Variants in CHD9 observed in about 807,000 individuals in gnomAD.
CHD9 encodes ATP-dependent chromatin remodeler CHD9.
CHD9 carries 77 observed loss-of-function variants against 316.1 expected under a neutral mutation model. That is an observed-to-expected ratio of 0.24 (90% CI 0.20 to 0.29). The LOEUF (loss-of-function observed/expected upper bound fraction) is 0.29, where lower values mean the gene tolerates loss of function less well. CHD9 is among the 10% of genes least tolerant of loss of function. CHD9 has a pLI of 1.00. For missense variants in CHD9, 2,763 were observed against 3,438.1 expected, an observed-to-expected ratio of 0.80 and a Z score of 4.91; for synonymous variants, 1,129 against 1,158.3, an observed-to-expected ratio of 0.97 and a Z score of 0.51.
intron 34 of CHD9, among the ~76,000 whole-genome samples, chr16:53,309,765 C>A (rs1489363589): frequency 6.6e-6 from 1 of 152,048 alleles, no homozygotes. Flanking sequence ...CCACGCCCAG[C>A]CTGTTTTTGT....
chr16:53,210,293 A>G (rs1489329557), intron 3 of CHD9, among the ~76,000 whole-genome samples: 6 of 149,046 alleles, frequency 4.0e-5, no homozygotes. Flanking sequence ...GAAATGGCAA[A>G]AAAAAAAAAA....
At chr16:53,170,550 A>G (rs2042628332) in intron 2 of CHD9, among the ~76,000 whole-genome samples, 1 of 150,832 alleles carries the variant, frequency 6.6e-6, no homozygotes, top group African/African-American at 2.4e-5. Flanking sequence ...TGTAAAATGC[A>G]TCGTGCAGTA....
At chr16:53,126,699 G>A (rs1181267372) in intron 1 of CHD9, among the ~76,000 whole-genome samples, 1 of 143,638 alleles carries the variant, frequency 7.0e-6, no homozygotes, top group Non-Finnish European at 1.5e-5. Flanking sequence ...TTCTTTCTCT[G>A]ATGGAGTCTC....
At chr16:53,248,741 C>T (rs2049888751) in intron 16 of CHD9, among the ~76,000 whole-genome samples, 1 of 151,906 alleles carries the variant, frequency 6.6e-6, no homozygotes, top group East Asian at 1.9e-4. Flanking sequence ...AAGCCGATCT[C>T]AAACTCCTGG....
At chr16:53,103,561 C>T (rs1432018438) in intron 1 of CHD9, among the ~76,000 whole-genome samples, 2 of 152,134 alleles carry the variant, frequency 1.3e-5, no homozygotes, top group Non-Finnish European at 2.9e-5. Flanking sequence ...AAATAGGGAG[C>T]GTTAACCTCA....
intron 1 of CHD9, among the ~76,000 whole-genome samples, chr16:53,131,508 G>A (rs1478660212): frequency 6.7e-6 from 1 of 150,100 alleles, no homozygotes; most frequent in African/African-American, 2.4e-5. Context: ...CGCCTGTCAT[G>A]GCTGCGGGCT....
At chr16:53,272,175 C>T (rs1056328071) in intron 22 of CHD9, among the ~76,000 whole-genome samples, 2 of 151,548 alleles carry the variant, frequency 1.3e-5, no homozygotes, top group Non-Finnish European at 2.9e-5. Context: ...ACTACTAAAC[C>T]GTACAAAATG....
chr16:53,310,454 T>C (rs2056366670), intron 34 of CHD9, among the ~76,000 whole-genome samples: 1 of 152,198 alleles, frequency 6.6e-6, no homozygotes, highest in Admixed American at 6.5e-5. Context: ...GTGAGATTGA[T>C]ACTTCTATTG....
chr16:53,253,080 G>A (rs990343815), intron 17 of CHD9, among the ~76,000 whole-genome samples: 1 of 152,060 alleles, frequency 6.6e-6, no homozygotes, highest in African/African-American at 2.4e-5. Flanking sequence ...GTCATTATTC[G>A]AAAAAGATAC....
intron 1 of CHD9, among the ~76,000 whole-genome samples, chr16:53,112,830 A>C (rs541322837): frequency 3.3e-5 from 5 of 152,158 alleles, no homozygotes; most frequent in African/African-American, 1.2e-4. Flanking sequence ...CCTCAGCAAC[A>C]TGGTGAGAGA....
chr16:53,244,879 A>G (rs2049438061), intron 13 of CHD9, among the ~76,000 whole-genome samples: 1 of 152,094 alleles, frequency 6.6e-6, no homozygotes. Flanking sequence ...CTGTAATCCC[A>G]GCACTTTGGG....
intron 4 of CHD9, among the ~76,000 whole-genome samples, chr16:53,225,089 C>A (rs1010630824): frequency 6.6e-6 from 1 of 152,032 alleles, no homozygotes; most frequent in Admixed American, 6.6e-5. Context: ...TTACTACTCA[C>A]AAGAGAAAGG....
At chr16:53,109,770 C>T (rs2037705454) in intron 1 of CHD9, among the ~76,000 whole-genome samples, 1 of 136,460 alleles carries the variant, frequency 7.3e-6, no homozygotes, top group African/African-American at 2.8e-5. Flanking sequence ...CTGCAAGCTC[C>T]GCCTCCCGTA....
chr16:53,262,798 C>T (rs1049697170), intron 19 of CHD9, among the ~76,000 whole-genome samples, 189 bp from the exon 20 acceptor site: 1 of 152,196 alleles, frequency 6.6e-6, no homozygotes, highest in Admixed American at 6.5e-5. Context: ...TCCTAAACTT[C>T]AGCCTGTGTT....
intron 17 of CHD9, among the ~76,000 whole-genome samples, chr16:53,250,958 T>A (rs1279551342): frequency 5.3e-5 from 8 of 152,178 alleles, no homozygotes; most frequent in Admixed American, 2.6e-4. Flanking sequence ...AAAACAAATA[T>A]AATAAATGGT....
At position 53,156,635 on chromosome 16, in the gene CHD9, C is replaced by T; in HGVS notation, c.546C>T (p.Asn182=). ...GTACTTCACTACGCTCACAACAAAACAGAAATAATCTCAACCCAGGGCAGA... is the reference window on the plus strand; with the variant it reads ...GTACTTCACTACGCTCACAACAAAATAGAAATAATCTCAACCCAGGGCAGA... ...TQCTSLRSQQ[N]RNNLNPGQNS... The change falls in exon 2 of 39, where the codon AAC becomes AAT. Residue 182 remains asparagine, a synonymous_variant. Transcript: ENST00000447540. 1 of 1,613,938 alleles carries T rather than the reference C, an allele frequency of 6.2e-7. No homozygotes were observed. The highest frequency in any genetic ancestry group is 8.5e-7 in the Non-Finnish European group (1 of 1,179,854).
chr16:53,153,229 G>T (rs2041257477), intron 1 of CHD9, among the ~76,000 whole-genome samples: 1 of 152,182 alleles, frequency 6.6e-6, no homozygotes, highest in Admixed American at 6.5e-5. Flanking sequence ...CAAGTTTGTT[G>T]TAAAGAGGAA....
At chr16:53,205,301 A>C (rs2045812121) in intron 2 of CHD9, among the ~76,000 whole-genome samples, 1 of 152,240 alleles carries the variant, frequency 6.6e-6, no homozygotes, top group Non-Finnish European at 1.5e-5. Flanking sequence ...AGACCTAGTA[A>C]TCCATCATCC....
intron 30 of CHD9, among the ~76,000 whole-genome samples, chr16:53,300,307 C>T (rs977477499): frequency 7.3e-5 from 11 of 151,632 alleles, no homozygotes; most frequent in Non-Finnish European, 1.2e-4. Context: ...GAGCTGAGAT[C>T]GTGCCATTGC....
Sources: gnomAD v4.1 joint callset for allele counts (sites outside exome capture counted in the v4.1 genomes callset) on GRCh38, gnomAD v4.1.1 for gene constraint, MANE v1.5 for transcripts, NCBI Gene and HGNC (gene_info 2026-07-23, HGNC 2026-07-21) for gene names.